RYR2: variants seen among roughly 807,000 people sequenced by gnomAD.
RYR2 encodes cardiac muscle ryanodine receptor-calcium release channel.
A neutral mutation model predicts 601.1 loss-of-function variants in RYR2; 227 were observed. The ratio of observed to expected loss-of-function variants is 0.38; its 90% CI spans 0.34 to 0.42. The LOEUF (loss-of-function observed/expected upper bound fraction) is 0.42, where lower values mean the gene tolerates loss of function less well. Among genes scored for constraint, RYR2 ranks in the 10% least tolerant of loss-of-function variants. RYR2 has a pLI of 1.00. For synonymous variants in RYR2, 2,223 were observed against 2,175.1 expected, an observed-to-expected ratio of 1.02 and a Z score of -0.61; for missense variants, 4,646 against 6,156.5, an observed-to-expected ratio of 0.75 and a Z score of 8.21.
chr1:237,592,360 C>T (rs1053139428), intron 32 of RYR2, among the ~76,000 whole-genome samples: 1 of 152,132 alleles, frequency 6.6e-6, no homozygotes, highest in African/African-American at 2.4e-5. Context: ...AGGCCAGGTG[C>T]AGTGGCTTAA....
intron 97 of RYR2, among the ~76,000 whole-genome samples, chr1:237,799,584 A>G (rs1659710110): frequency 6.6e-6 from 1 of 152,206 alleles, no homozygotes; most frequent in African/African-American, 2.4e-5. Context: ...CATATGGAGA[A>G]TAAAATTAGA....
At position 237,640,890 on chromosome 1, in the gene RYR2, A is replaced by G; in HGVS notation, c.7116-7A>G. ...GCTTTCTCTTTCTTTTGAAACATTC[A>G]TGAAAGTGACACAGAGGAGGAGGAA... On this transcript the variant is annotated splice_polypyrimidine_tract_variant and splice_region_variant and intron_variant, in intron 46 of 104. Transcript: ENST00000366574. 6.2e-7 allele frequency: 1 copy of G among 1,610,140 alleles called. No homozygotes were observed. Among genetic ancestry groups the G allele is most frequent in the Middle Eastern group, 1.7e-4 (1 of 6,052 alleles).
intron 12 of RYR2, among the ~76,000 whole-genome samples, chr1:237,435,077 T>C (rs888906093): frequency 6.6e-6 from 1 of 152,202 alleles, no homozygotes; most frequent in African/African-American, 2.4e-5. Flanking sequence ...GATGCCAGAC[T>C]AAAACATTTT....
At position 237,784,629 on chromosome 1, in the gene RYR2, T is replaced by C. The variant is rs776091285; in HGVS notation, c.12917T>C (p.Phe4306Ser). The change falls in exon 90 of 105, where the codon TTC becomes TCC. Residue 4306 changes from phenylalanine to serine, a missense_variant. This residue lies in a region of RYR2 where 364 missense variants were observed against 442.9 expected (regional missense o/e 0.82). Transcript: ENST00000366574. The surrounding 1 kb of genome is among the most constrained non-coding windows in gnomAD (Gnocchi z 7.1). ...GTGGCCAGCGTTTTCAGAGGCTTTTTCCGCATCATTTGCAGCCTGCTGCTT... is the reference window on the plus strand; with the variant it reads ...GTGGCCAGCGTTTTCAGAGGCTTTTCCCGCATCATTTGCAGCCTGCTGCTT... Reference protein sequence around the residue: ...HFVASVFRGFFRIICSLLLGG... With the variant: ...HFVASVFRGFSRIICSLLLGG... 3.0e-5 allele frequency: 48 copies of C among 1,613,678 alleles called. No homozygotes were observed. Among genetic ancestry groups the C allele is most frequent in the Non-Finnish European group, 1.6e-5 (19 of 1,179,816 alleles).
intron 1 of RYR2, among the ~76,000 whole-genome samples, chr1:237,101,318 A>AAAAAAAC (rs1558234255): frequency 1.2e-4 from 18 of 144,124 alleles, no homozygotes; most frequent in African/African-American, 1.3e-4. Flanking sequence ...AAAAAAAAAA[A>AAAAAAAC]AAAAAACCTC....
chr1:237,218,578 A>G (rs1479350219), intron 1 of RYR2, among the ~76,000 whole-genome samples: 1 of 152,154 alleles, frequency 6.6e-6, no homozygotes, highest in South Asian at 2.1e-4. Context: ...CCTCAAAAAA[A>G]TTTCTTTCAA....
At chr1:237,217,943 G>A (rs1196898285) in intron 1 of RYR2, among the ~76,000 whole-genome samples, 1 of 152,196 alleles carries the variant, frequency 6.6e-6, no homozygotes, top group Non-Finnish European at 1.5e-5. Context: ...GGGATTAATA[G>A]CAGCATTTAA....
intron 27 of RYR2, among the ~76,000 whole-genome samples, chr1:237,560,293 G>T (rs1332464858): frequency 2.6e-5 from 4 of 152,236 alleles, no homozygotes; most frequent in African/African-American, 7.2e-5. Flanking sequence ...GCCTCACAAA[G>T]CTGCAAGGCT....
At position 237,563,233 on chromosome 1, in the gene RYR2, C is replaced by T. The variant is rs927748101; in HGVS notation, c.3215-3334C>T. On this transcript the variant is annotated intron_variant, in intron 27 of 104. Transcript: ENST00000366574. ...GACCAGCGTGACAATGGTGAAACCC[C>T]GTCTCTACTGAAAATACAAAAAAAT... 5.3e-5 allele frequency among the ~76,000 whole-genome samples: 8 copies of T among 151,976 alleles called. No individual in the cohort carries two copies. In the South Asian group the frequency reaches 6.2e-4, roughly 12 times the overall value.
At chr1:237,478,289 G>A (rs147952327) in intron 17 of RYR2, among the ~76,000 whole-genome samples, 28 of 152,264 alleles carry the variant, frequency 1.8e-4, no homozygotes, top group Non-Finnish European at 2.5e-4. Flanking sequence ...CAGCTCCACC[G>A]TTTATATAAT....
chr1:237,387,392 A>C lies in RYR2; in HGVS notation c.676+12A>C, dbSNP rs760974801. The C allele has an allele frequency of 6.2e-7, 1 of 1,611,610 alleles. No homozygotes were observed. Among genetic ancestry groups the C allele is most frequent in the Admixed American group, 1.7e-5 (1 of 59,992 alleles). On this transcript the variant is annotated intron_variant, in intron 9 of 104. Coordinates refer to ENST00000366574, the MANE Select transcript of RYR2 (RefSeq NM_001035.3). ...TGAGGCAGCCCAAGGTAAAAACTCCACTTCAATTAGAGGGCCTGTCCTTGC... is the reference window on the plus strand; with the variant it reads ...TGAGGCAGCCCAAGGTAAAAACTCCCCTTCAATTAGAGGGCCTGTCCTTGC...
At chr1:237,286,675 T>G (rs12729955) in intron 2 of RYR2, among the ~76,000 whole-genome samples, 1 of 151,158 alleles carries the variant, frequency 6.6e-6, no homozygotes, top group Non-Finnish European at 1.5e-5. Context: ...TCCACCCCTT[T>G]ACTTTAAGTT....
intron 27 of RYR2, among the ~76,000 whole-genome samples, chr1:237,561,001 G>C (rs866666662): frequency 1.3e-5 from 2 of 152,142 alleles, no homozygotes; most frequent in African/African-American, 4.8e-5. Flanking sequence ...ACAGTAATTG[G>C]GGTTAAGAGA....
chr1:237,809,207 G>A (rs1660997663), intron 100 of RYR2, among the ~76,000 whole-genome samples, 172 bp downstream of exon 100: 1 of 152,202 alleles, frequency 6.6e-6, no homozygotes, highest in South Asian at 2.1e-4. Flanking sequence ...GAACATAAAG[G>A]AGCATTTCTG....
chr1:237,461,437 G>C (rs771056417), intron 16 of RYR2, among the ~76,000 whole-genome samples: 4 of 152,084 alleles, frequency 2.6e-5, no homozygotes, highest in Non-Finnish European at 5.9e-5. Context: ...GGCCTGGTCT[G>C]TCTCTTCCTT....
intron 22 of RYR2, among the ~76,000 whole-genome samples, 167 bp from the exon 23 acceptor site, chr1:237,506,543 G>GGA (rs2150514616): frequency 7.4e-6 from 1 of 134,818 alleles, no homozygotes; most frequent in African/African-American, 2.7e-5. Context: ...GTCTCAAGGG[G>GGA]AAAAAAAAAA....
At position 237,381,909 on chromosome 1, in the gene RYR2, G is replaced by T. The variant is rs190912093; in HGVS notation, c.576+4474G>T. ...CTTTTCAAAAATATCCAAAAGGAAAGAATTTTTTTTGCTCATTGAAAATCT... is the reference window on the plus strand; with the variant it reads ...CTTTTCAAAAATATCCAAAAGGAAATAATTTTTTTTGCTCATTGAAAATCT... On this transcript the variant is annotated intron_variant, in intron 8 of 104. Coordinates refer to ENST00000366574, the MANE Select transcript of RYR2 (RefSeq NM_001035.3). 1.4e-3 allele frequency among the ~76,000 whole-genome samples: 212 copies of T among 152,244 alleles called. 1 individual carries two copies. The highest frequency in any genetic ancestry group is 4.9e-3 in the African/African-American group (202 of 41,552).
Position 237,557,576 on chromosome 1 carries a change from T to A in RYR2, c.3214+6885T>A, listed in dbSNP as rs10925457. ...AGTTGAAACAGTTTTTTTTTTTTTT[T>A]AAATTAAAGAATGATTCTAGTGGCT... is the stretch of plus-strand genomic sequence containing the variant. On this transcript the variant is annotated intron_variant, in intron 27 of 104. Coordinates refer to ENST00000366574, the MANE Select transcript of RYR2 (RefSeq NM_001035.3). Among the ~76,000 whole-genome samples, 234 of 151,574 alleles carry A rather than the reference T, an allele frequency of 1.5e-3. 9 individuals carry two copies. In the East Asian group the frequency reaches 0.039, roughly 26 times the overall value.
rs767451825 is a variant in RYR2 at position 237,674,774 on chromosome 1, C to A, written c.8758C>A (p.Arg2920=). 6.2e-7 allele frequency: 1 copy of A among 1,612,418 alleles called. No homozygotes were observed. The highest frequency in any genetic ancestry group is 1.1e-5 in the South Asian group (1 of 90,970). The part of the protein sequence containing the change: ...LELDTPSIEK[R]FAYSFLQQLI... Reference sequence around the variant, plus strand: ...ACTGGACACGCCTTCTATTGAGAAACGATTTGCCTATAGTTTCCTCCAACA... The same window carrying A: ...ACTGGACACGCCTTCTATTGAGAAAAGATTTGCCTATAGTTTCCTCCAACA... Residue 2920 remains arginine (R), a synonymous_variant, in exon 60 of 105, where the codon CGA becomes AGA. Transcript: ENST00000366574.
Sources: gnomAD v4.1 joint callset for allele counts (sites outside exome capture counted in the v4.1 genomes callset) on GRCh38, gnomAD v4.1.1 for gene constraint, gnomAD v4.1.1 regional missense constraint, Gnocchi (gnomAD v3.1) non-coding constraint, MANE v1.5 for transcripts, NCBI Gene and HGNC (gene_info 2026-07-23, HGNC 2026-07-21) for gene names.